Variants in U2SURP observed in about 807,000 individuals in gnomAD.
U2SURP encodes U2 snRNP associated SURP domain containing, also known as U2 snRNP-associated SURP motif-containing protein.
In U2SURP, 9 loss-of-function variants were observed where a neutral mutation model predicts 144.9. The ratio of observed to expected loss-of-function variants is 0.06; its 90% confidence interval spans 0.04 to 0.11. U2SURP has a LOEUF of 0.11. U2SURP is among the 10% of genes least tolerant of loss of function. The probability of loss-of-function intolerance (pLI) is 1.00; values close to 1 mark genes in which losing one functional copy is unlikely to be tolerated. For synonymous variants in U2SURP, 408 were observed against 396.8 expected, an observed-to-expected ratio of 1.03 and a Z score of -0.33; for missense variants, 724 against 1,226.7, an observed-to-expected ratio of 0.59 and a Z score of 6.12.
chr3:143,043,909 C>T (rs984419221), intron 24 of U2SURP, among the ~76,000 whole-genome samples: 2 of 151,696 alleles, frequency 1.3e-5, no homozygotes, highest in South Asian at 4.2e-4. Flanking sequence ...GCCACCATGC[C>T]CGGCTCATTT....
chr3:143,033,019 A>G lies in U2SURP; in HGVS notation c.1773+73A>G, dbSNP rs1271566845. On this transcript the variant is annotated intron_variant, in intron 17 of 27. Transcript: ENST00000473835. ...GGATTAGAATTGGTTTCCTTTTTGC[A>G]CAAAGCACTTGACTGATGAGATTTT... The G allele has an allele frequency of 2.6e-6, 4 of 1,509,484 alleles. No homozygotes were observed. The African/African-American group carries it at 5.6e-5, about 21-fold the overall frequency. The allele number at this position is 1,509,484 out of a possible 1,614,324, so 93.5% of individuals were successfully genotyped here. A position where few individuals can be genotyped will look rare whatever the true frequency, so the allele number is the denominator to read the frequency against.
At chr3:143,040,854 C>G (rs756978083) in intron 23 of U2SURP, among the ~76,000 whole-genome samples, 2 of 151,794 alleles carry the variant, frequency 1.3e-5, no homozygotes, top group Non-Finnish European at 3.0e-5. Flanking sequence ...GTTCAGCCAT[C>G]TAGACCCTTT....
chr3:143,002,897 TC>T (rs200585967), intron 1 of U2SURP, among the ~76,000 whole-genome samples: 2 of 152,108 alleles, frequency 1.3e-5, no homozygotes, highest in East Asian at 3.8e-4. Context: ...CAGTTTTTTT[TC>T]CCCCTCCTCA....
At chr3:143,014,645 T>G (rs1936273178) in intron 4 of U2SURP, among the ~76,000 whole-genome samples, 1 of 152,060 alleles carries the variant, frequency 6.6e-6, no homozygotes, top group African/African-American at 2.4e-5. Context: ...AATCTATTCT[T>G]TTTGTATAAG....
At chr3:143,040,727 T>C (rs1934058025) in intron 23 of U2SURP, among the ~76,000 whole-genome samples, 1 of 151,872 alleles carries the variant, frequency 6.6e-6, no homozygotes, top group African/African-American at 2.4e-5. Flanking sequence ...AAAACCAGTT[T>C]AGAAAAACTG....
At chr3:143,027,412 A>G in intron 14 of U2SURP, 159 bp downstream of exon 14, 1 of 575,444 alleles carries the variant, frequency 1.7e-6, no homozygotes, top group Non-Finnish European at 3.0e-6. Flanking sequence ...CAAAATGGAA[A>G]TTCTTTACCT....
Position 143,057,740 on chromosome 3 carries a change from GAA to G in U2SURP, c.*1292_*1293del, listed in dbSNP as rs1935216102. 6.6e-6 allele frequency: 1 copy of G among 151,634 alleles called. No individual in the cohort carries two copies. The highest frequency in any genetic ancestry group is 1.5e-5 in the Non-Finnish European group (1 of 67,780). The allele number at this position is 151,634 out of a possible 1,614,324, so 9.4% of individuals were successfully genotyped here. ...GGTTTTTTTTTTCCTCCCTAAAAGA[GAA>G]AGTAGAAAACTATTCTAACAATGGA... is the stretch of plus-strand genomic sequence containing the variant. On this transcript the variant is annotated 3_prime_UTR_variant, in exon 28 of 28. Transcript: ENST00000473835.
At chr3:143,046,154 G>A (rs1934423629) in intron 24 of U2SURP, among the ~76,000 whole-genome samples, 2 of 151,620 alleles carry the variant, frequency 1.3e-5, no homozygotes, top group African/African-American at 4.8e-5. Context: ...TGAACAGTTT[G>A]TAGCATGGAA....
chr3:143,039,048 G>A, intron 23 of U2SURP, 88 bp downstream of exon 23: 3 of 967,300 alleles, frequency 3.1e-6, no homozygotes, highest in South Asian at 4.9e-5. Context: ...ATAGTGAAGT[G>A]GAAAACTTCA....
chr3:143,045,024 G>A (rs1934347853), intron 24 of U2SURP, among the ~76,000 whole-genome samples: 1 of 152,122 alleles, frequency 6.6e-6, no homozygotes, highest in African/African-American at 2.4e-5. Flanking sequence ...ACACTCACCT[G>A]TGCACCTTTT....
In U2SURP at chr3:143,051,021, A is replaced by C. The variant is rs776040513; in HGVS notation, c.2627A>C (p.Glu876Ala). 30 of 1,612,074 alleles carry C rather than the reference A, an allele frequency of 1.9e-5. No individual in the cohort carries two copies. The highest frequency in any genetic ancestry group is 2.5e-5 in the Non-Finnish European group (30 of 1,178,840). ...KPGQSFQEQV[E>A]HYRDKLLQRE... ...GGCCAGAGTTTTCAGGAGCAAGTAG[A>C]ACACTACAGAGATAAACTTCTTCAA... The change falls in exon 25 of 28, where the codon GAA (glutamate) becomes GCA (alanine). Residue 876 changes from glutamate (E) to alanine (A), a missense_variant. This residue lies in a region of U2SURP where 129 missense variants were observed against 196.1 expected (regional missense o/e 0.66). Coordinates refer to ENST00000473835, the MANE Select transcript of U2SURP (RefSeq NM_001080415.2).
chr3:143,034,677 G>T, intron 18 of U2SURP: 1 of 461,150 alleles, frequency 2.2e-6, no homozygotes, highest in Admixed American at 3.6e-5. Flanking sequence ...AGTAGGGACT[G>T]TTGGGGAGTT....
chr3:143,046,954 T>C (rs9706761), intron 24 of U2SURP, among the ~76,000 whole-genome samples: 59,492 of 89,226 alleles, frequency 0.67, 19,949 homozygotes, highest in African/African-American at 0.82. Context: ...GGGGCTGACC[T>C]CCCCCACCTC....
chr3:143,050,217 G>A (rs1170766557), intron 24 of U2SURP, among the ~76,000 whole-genome samples: 8 of 152,090 alleles, frequency 5.3e-5, no homozygotes, highest in Non-Finnish European at 1.5e-5. Context: ...GGGATTATAG[G>A]CATGTGCCAC....
chr3:143,058,024 T>A lies in U2SURP; in HGVS notation c.*1574T>A, dbSNP rs1935227837. Reference sequence around the variant, plus strand: ...CCTTATTCACTGTTTTGTTAGTCCATTTTGTTAGGAAACATTAATTCCTAA... The same window carrying A: ...CCTTATTCACTGTTTTGTTAGTCCAATTTGTTAGGAAACATTAATTCCTAA... On this transcript the variant is annotated 3_prime_UTR_variant, in exon 28 of 28. Transcript: ENST00000473835. The A allele has an allele frequency of 6.6e-6, 1 of 152,424 alleles. No homozygotes were observed. The highest frequency in any genetic ancestry group is 2.4e-5 in the African/African-American group (1 of 41,444). The allele number at this position is 152,424 out of a possible 1,614,324, so 9.4% of individuals were successfully genotyped here.
intron 14 of U2SURP, 66 bp downstream of exon 14, chr3:143,027,319 G>A (rs1319045067): frequency 8.8e-6 from 11 of 1,246,604 alleles, no homozygotes; most frequent in Non-Finnish European, 1.2e-5. Flanking sequence ...CTATTTTTAA[G>A]TATACAGTTC....
intron 24 of U2SURP, among the ~76,000 whole-genome samples, chr3:143,046,957 C>CCG (rs1934509928): frequency 7.6e-6 from 1 of 131,648 alleles, no homozygotes; most frequent in Non-Finnish European, 1.6e-5. Context: ...GCTGACCTCC[C>CCG]CCACCTCCCT....
At chr3:143,044,079 A>G (rs76396554) in intron 24 of U2SURP, among the ~76,000 whole-genome samples, 5,861 of 152,168 alleles carry the variant, frequency 0.039, 331 homozygotes, top group African/African-American at 0.13. Flanking sequence ...TTGAGTGTTC[A>G]TAGTTATGCA....
rs1443531982 is a variant in U2SURP at position 143,057,192 on chromosome 3, C to T, written c.*742C>T. ...TACATCCAACCCATGTTCTGAGCAA[C>T]TACTTACTTTTAGGGGGAAATTAAA... On this transcript the variant is annotated 3_prime_UTR_variant, in exon 28 of 28. Transcript: ENST00000473835. The T allele has an allele frequency of 6.6e-6, 1 of 152,418 alleles. No individual in the cohort carries two copies. 9.4% of individuals were successfully genotyped at this position (152,418 alleles called of 1,614,324 possible).
Sources: gnomAD v4.1 joint callset for allele counts (sites outside exome capture counted in the v4.1 genomes callset) on GRCh38, gnomAD v4.1.1 for gene constraint, gnomAD v4.1.1 regional missense constraint, MANE v1.5 for transcripts, NCBI Gene and HGNC (gene_info 2026-07-23, HGNC 2026-07-21) for gene names.